Variants in ALDH1A2 observed in about 807,000 individuals in gnomAD.
The protein encoded by ALDH1A2 is retinal dehydrogenase 2.
In ALDH1A2, 27 loss-of-function variants were observed where a neutral mutation model predicts 60.3. That is an observed-to-expected ratio of 0.45 (90% confidence interval 0.33 to 0.62). The LOEUF (loss-of-function observed/expected upper bound fraction) is 0.62. Ranked by LOEUF, ALDH1A2 falls within the 20% of genes least tolerant of loss-of-function variation. The probability of loss-of-function intolerance (pLI) is 0.02; values close to 1 mark genes in which losing one functional copy is unlikely to be tolerated. For missense variants in ALDH1A2, 581 were observed against 643.8 expected, an observed-to-expected ratio of 0.90 and a Z score of 1.06; for synonymous variants, 289 against 232.4, an observed-to-expected ratio of 1.24 and a Z score of -2.21.
intron 1 of ALDH1A2, among the ~76,000 whole-genome samples, chr15:58,036,210 T>C (rs1250164993): frequency 6.6e-6 from 1 of 151,638 alleles, no homozygotes; most frequent in African/African-American, 2.4e-5. Flanking sequence ...AGTACAAATT[T>C]AGCACAAAGT....
chr15:57,978,717 A>C (rs1894365841), intron 7 of ALDH1A2, among the ~76,000 whole-genome samples: 1 of 152,068 alleles, frequency 6.6e-6, no homozygotes, highest in Non-Finnish European at 1.5e-5. Flanking sequence ...CAGGCCCAGA[A>C]GGGGAGAAGG....
At chr15:57,988,353 G>C (rs1335689766) in intron 7 of ALDH1A2, among the ~76,000 whole-genome samples, 2 of 152,170 alleles carry the variant, frequency 1.3e-5, no homozygotes, top group Non-Finnish European at 2.9e-5. Context: ...AGAATAAAAA[G>C]AGTGGTAAAA....
At chr15:57,989,113 C>T (rs551163658) in intron 7 of ALDH1A2, among the ~76,000 whole-genome samples, 73 of 152,310 alleles carry the variant, frequency 4.8e-4, no homozygotes, top group Non-Finnish European at 9.1e-4. Context: ...CACGCCATTG[C>T]GCTCCAGCCT....
At chr15:57,992,663 T>G in intron 7 of ALDH1A2, 42 bp downstream of exon 7, 2 of 1,578,496 alleles carry the variant, frequency 1.3e-6, no homozygotes, top group South Asian at 2.2e-5. Context: ...CTCAACTCAT[T>G]TGCAAGACTG....
At chr15:58,052,468 A>AT (rs1178021810) in intron 1 of ALDH1A2, among the ~76,000 whole-genome samples, 8 of 151,732 alleles carry the variant, frequency 5.3e-5, no homozygotes, top group African/African-American at 9.7e-5. Flanking sequence ...TTTATTTTTT[A>AT]TTTTTTTTAT....
intron 7 of ALDH1A2, among the ~76,000 whole-genome samples, chr15:57,975,951 C>A (rs1392873709): frequency 6.6e-6 from 1 of 152,074 alleles, no homozygotes; most frequent in South Asian, 2.1e-4. Flanking sequence ...CAAGACTTAT[C>A]AAATTGTACA....
rs1304715622 is a variant in ALDH1A2, at chr15:57,953,472, TAAGTA to T, written c.*1720_*1724del. On this transcript the variant is annotated 3_prime_UTR_variant, in exon 13 of 13. Coordinates refer to ENST00000249750, the MANE Select transcript of ALDH1A2 (RefSeq NM_003888.4). ...TATTGCTAGCACAGAGGTTTCTTTT[TAAGTA>T]AATTAAAAGAAATAAATCTTCATTT... 6.5e-6 allele frequency: 1 copy of T among 152,786 alleles called. No individual in the cohort carries two copies. Among genetic ancestry groups the T allele is most frequent in the Non-Finnish European group, 1.5e-5 (1 of 68,042 alleles). The allele number at this position is 152,786 out of a possible 1,614,324, so 9.5% of individuals were successfully genotyped here.
chr15:57,998,320 A>G (rs907675661), intron 4 of ALDH1A2, among the ~76,000 whole-genome samples: 6 of 152,134 alleles, frequency 3.9e-5, no homozygotes, highest in Non-Finnish European at 7.4e-5. Context: ...TCAGCACAAA[A>G]GCTTCTTAAG....
chr15:58,029,025 G>T (rs954319598), intron 1 of ALDH1A2, among the ~76,000 whole-genome samples: 4 of 152,162 alleles, frequency 2.6e-5, no homozygotes, highest in Non-Finnish European at 4.4e-5. Flanking sequence ...TCCAGGACTT[G>T]AACTCAGCAC....
intron 4 of ALDH1A2, among the ~76,000 whole-genome samples, chr15:58,001,291 C>T (rs1199181533): frequency 6.6e-6 from 1 of 151,868 alleles, no homozygotes; most frequent in East Asian, 1.9e-4. Flanking sequence ...ATTAATGACT[C>T]TTGTGAGGAA....
At chr15:57,999,354 A>G (rs1446279662) in intron 4 of ALDH1A2, among the ~76,000 whole-genome samples, 1 of 152,146 alleles carries the variant, frequency 6.6e-6, no homozygotes, top group African/African-American at 2.4e-5. Flanking sequence ...GAAGAAAAAA[A>G]TAACCCCATT....
At chr15:58,028,439 C>CA (rs759212443) in intron 1 of ALDH1A2, among the ~76,000 whole-genome samples, 42 of 152,184 alleles carry the variant, frequency 2.8e-4, no homozygotes, top group Non-Finnish European at 5.1e-4. Context: ...CCAGCCACTG[C>CA]AAAAAACATG....
intron 1 of ALDH1A2, among the ~76,000 whole-genome samples, chr15:58,023,379 A>G (rs974662335): frequency 6.6e-6 from 1 of 152,236 alleles, no homozygotes; most frequent in Non-Finnish European, 1.5e-5. Context: ...TAATCAAGAA[A>G]CAAGAAACAA....
chr15:58,014,163 T>C lies in ALDH1A2; in HGVS notation c.222+14A>G, dbSNP rs1199761947. 1 of 1,614,042 alleles carries C rather than the reference T, an allele frequency of 6.2e-7. No homozygotes were observed. Among genetic ancestry groups the C allele is most frequent in the Non-Finnish European group, 8.5e-7 (1 of 1,179,866 alleles). ...GTTATTTCATAGGAAATCTTTTATC[T>C]ACAAAAGACATACCTTGTCTGCTTC... On this transcript the variant is annotated intron_variant, in intron 2 of 12. Coordinates refer to ENST00000249750, the MANE Select transcript of ALDH1A2 (RefSeq NM_003888.4).
At chr15:57,995,274 C>A (rs964988102) in intron 4 of ALDH1A2, 135 bp from the exon 5 acceptor site, 4 of 694,958 alleles carry the variant, frequency 5.8e-6, no homozygotes, top group Non-Finnish European at 9.9e-6. Context: ...CCTACTCAAC[C>A]GTGCATGAAA....
At position 57,961,240 on chromosome 15, in the gene ALDH1A2, C is replaced by G. The variant is rs34744827; in HGVS notation, c.1306G>C (p.Glu436Gln). The G allele has an allele frequency of 2.5e-6, 4 of 1,613,936 alleles. No homozygotes were observed. The highest frequency in any genetic ancestry group is 1.3e-5 in the African/African-American group (1 of 74,924). Residue 436 changes from glutamate (E) to glutamine (Q), a missense_variant, in exon 11 of 13, where the codon GAA becomes CAA. This residue lies in a region of ALDH1A2 where 375 missense variants were observed against 469.7 expected (regional missense o/e 0.80). Transcript: ENST00000249750. ...CCAAAGTCTGAGTTATTGGCTCTTT[C>G]GATAACTTCATCCATCGTCTTAAAT... The part of the protein sequence containing the change: ...LRFKTMDEVI[E>Q]RANNSDFGLV...
intron 1 of ALDH1A2, among the ~76,000 whole-genome samples, chr15:58,061,595 C>CAAAAAAAAAA (rs879500544): frequency 0.01 from 445 of 42,692 alleles, 13 homozygotes; most frequent in Non-Finnish European, 0.015. Flanking sequence ...CTCCTTCCCT[C>CAAAAAAAAAA]AAAAAAAAAA....
chr15:58,036,671 G>A (rs1595681982), intron 1 of ALDH1A2: 1 of 151,510 alleles, frequency 6.6e-6, no homozygotes, highest in Non-Finnish European at 1.5e-5. Context: ...TTGTAAGTAC[G>A]ACTGAAAATC....
At position 58,035,647 on chromosome 15, in the gene ALDH1A2, CTT is replaced by C. The variant is rs1271926763; in HGVS notation, c.118-21368_118-21367del. 4.6e-5 allele frequency among the ~76,000 whole-genome samples: 7 copies of C among 151,638 alleles called. No individual in the cohort carries two copies. The East Asian group carries it at 1.4e-3, about 29-fold the overall frequency. On this transcript the variant is annotated intron_variant, in intron 1 of 12. Transcript: ENST00000249750. ...TAGTTCAAAATATTTCTTAATTTCTCTTGAGACTTACTCTTTAACTCATGTGT... is the reference window on the plus strand; with the variant it reads ...TAGTTCAAAATATTTCTTAATTTCTCGAGACTTACTCTTTAACTCATGTGT...
Sources: allele counts gnomAD v4.1 joint callset (sites outside exome capture counted in the v4.1 genomes callset), GRCh38; gene constraint gnomAD v4.1.1; regional missense constraint gnomAD v4.1.1; transcripts MANE v1.5; gene names NCBI Gene and HGNC (gene_info 2026-07-23, HGNC 2026-07-21).